KLF12: variants seen among roughly 807,000 people sequenced by gnomAD.
KLF12 encodes KLF transcription factor 12, also known as Krueppel-like factor 12.
In KLF12, 9 loss-of-function variants were observed where a neutral mutation model predicts 37.8. The observed-to-expected ratio is 0.24, with a 90% CI of 0.14 to 0.42. The LOEUF (loss-of-function observed/expected upper bound fraction) is 0.42, where lower values mean the gene tolerates loss of function less well. Among genes scored for constraint, KLF12 ranks in the 10% least tolerant of loss-of-function variants. The pLI, the probability that KLF12 is intolerant of heterozygous loss-of-function variation, is 1.00. For missense variants in KLF12, 411 were observed against 516.0 expected (o/e 0.80, Z 1.97); for synonymous variants, 208 against 202.1 (o/e 1.03, Z -0.25).
At chr13:74,080,381 G>A (rs574099251) in intron 1 of KLF12, among the ~76,000 whole-genome samples, 12 of 152,206 alleles carry the variant, frequency 7.9e-5, no homozygotes, top group Admixed American at 2.0e-4. Context: ...CTGAAAGTTC[G>A]AGGCTGCAGT....
chr13:74,278,157 A>G, the KLF12 span, among the ~76,000 whole-genome samples: 22 of 152,062 alleles, frequency 1.4e-4, no homozygotes, highest in Admixed American at 1.4e-3. Context: ...CTTTCCCAGC[A>G]TCCCCTCCCT....
the KLF12 span, among the ~76,000 whole-genome samples, chr13:74,205,742 A>T: frequency 6.6e-6 from 1 of 152,074 alleles, no homozygotes; most frequent in Non-Finnish European, 1.5e-5. Context: ...TGGAGCAGAA[A>T]CTCATTACTG....
rs1469283177 is a variant in KLF12, at chr13:74,126,125, ATATAC to A, written c.-32+7609_-32+7613del. Among the ~76,000 whole-genome samples, 5 of 152,368 alleles carry A rather than the reference ATATAC, an allele frequency of 3.3e-5. No individual in the cohort carries two copies. The South Asian group carries it at 8.3e-4, about 25-fold the overall frequency. ...TGTGCTGTATTACATGTCATATAAC[ATATAC>A]TATACATGACATATAAGTTGTACGA... is the stretch of plus-strand genomic sequence containing the variant. On this transcript the variant is annotated intron_variant, in intron 1 of 7. Transcript: ENST00000377669.
At chr13:74,123,171 A>C (rs1259370868) in intron 1 of KLF12, among the ~76,000 whole-genome samples, 1 of 152,150 alleles carries the variant, frequency 6.6e-6, no homozygotes, top group African/African-American at 2.4e-5. Flanking sequence ...AATATCATAA[A>C]TACCTATCTG....
intron 1 of KLF12, among the ~76,000 whole-genome samples, chr13:74,005,689 C>T (rs538275989): frequency 3.3e-5 from 5 of 152,288 alleles, no homozygotes; most frequent in African/African-American, 1.2e-4. Flanking sequence ...AAAAGCGCAG[C>T]CATACAGCAT....
At chr13:74,146,928 T>C in the KLF12 span, among the ~76,000 whole-genome samples, 248 of 152,342 alleles carry the variant, frequency 1.6e-3, 6 homozygotes, top group East Asian at 0.041. Flanking sequence ...AATCACTGTG[T>C]ATCCTATACC....
In KLF12 at chr13:73,699,392, A is replaced by C. The variant is rs1208585100; in HGVS notation, c.1028-3721T>G. ...CCAGGCAAGACCCCGCCTCCAAAAT[A>C]TAAAAATAAATAATTTTTAAAAATG... On this transcript the variant is annotated intron_variant, in intron 7 of 7. Coordinates refer to ENST00000377669, the MANE Select transcript of KLF12 (RefSeq NM_007249.5). 7.2e-5 allele frequency among the ~76,000 whole-genome samples: 11 copies of C among 152,068 alleles called. No individual in the cohort carries two copies. In the South Asian group the frequency reaches 2.3e-3, roughly 32 times the overall value.
At chr13:73,697,783 T>G (rs1450570232) in intron 7 of KLF12, among the ~76,000 whole-genome samples, 1 of 152,118 alleles carries the variant, frequency 6.6e-6, no homozygotes, top group Non-Finnish European at 1.5e-5. Context: ...CAATAAAATT[T>G]CATCTTCACT....
intron 1 of KLF12, among the ~76,000 whole-genome samples, chr13:74,051,110 C>G (rs1872893509): frequency 6.6e-6 from 1 of 152,106 alleles, no homozygotes; most frequent in African/African-American, 2.4e-5. Context: ...ACAGCCATTA[C>G]AGAAAAGTGT....
intron 1 of KLF12, among the ~76,000 whole-genome samples, chr13:74,078,975 C>T (rs540576113): frequency 2.6e-5 from 4 of 152,242 alleles, no homozygotes; most frequent in Middle Eastern, 3.4e-3. Flanking sequence ...CCTTCAGAGA[C>T]GTTTAAAAGC....
intron 1 of KLF12, among the ~76,000 whole-genome samples, chr13:74,008,658 A>G (rs1892475687): frequency 1.3e-5 from 2 of 152,224 alleles, no homozygotes; most frequent in South Asian, 4.1e-4. Context: ...CAGCATCCTC[A>G]TTTATGAAAT....
chr13:73,790,793 G>A (rs1018725332), intron 5 of KLF12, among the ~76,000 whole-genome samples: 21 of 152,340 alleles, frequency 1.4e-4, no homozygotes, highest in Middle Eastern at 3.4e-3. Flanking sequence ...CCATGTTGCA[G>A]ATGTAGGTAC....
At chr13:74,232,563 T>C in the KLF12 span, among the ~76,000 whole-genome samples, 1 of 152,248 alleles carries the variant, frequency 6.6e-6, no homozygotes, top group Non-Finnish European at 1.5e-5. Flanking sequence ...TAAGTACTTT[T>C]TAGAAATTTA....
At chr13:74,200,170 A>C in the KLF12 span, among the ~76,000 whole-genome samples, 1 of 142,554 alleles carries the variant, frequency 7.0e-6, no homozygotes, top group East Asian at 2.2e-4. Flanking sequence ...GGACATGGCT[A>C]ACCTTTTCTA....
At chr13:74,115,166 T>G (rs575294510) in intron 1 of KLF12, among the ~76,000 whole-genome samples, 57 of 152,338 alleles carry the variant, frequency 3.7e-4, no homozygotes, top group Admixed American at 1.8e-3. Context: ...TACAATTATT[T>G]TTTATAGAAC....
intron 1 of KLF12, among the ~76,000 whole-genome samples, chr13:74,092,668 A>G (rs1464191712): frequency 1.3e-5 from 2 of 151,312 alleles, no homozygotes; most frequent in African/African-American, 2.5e-5. Flanking sequence ...AAAAAGAAAA[A>G]GACAGCCTAT....
Position 73,931,925 on chromosome 13 carries a change from G to A in KLF12, c.123+12056C>T, listed in dbSNP as rs554516972. 4.0e-5 allele frequency among the ~76,000 whole-genome samples: 6 copies of A among 150,784 alleles called. No homozygotes were observed. The South Asian group carries it at 8.4e-4, about 21-fold the overall frequency. On this transcript the variant is annotated intron_variant, in intron 3 of 7. Coordinates refer to ENST00000377669, the MANE Select transcript of KLF12 (RefSeq NM_007249.5). ...TTCAAGCAACCCAGAAGGCTCATTCGACTACCTTGTTAGAGCTGACTTAGC... is the reference window on the plus strand; with the variant it reads ...TTCAAGCAACCCAGAAGGCTCATTCAACTACCTTGTTAGAGCTGACTTAGC...
intron 4 of KLF12, among the ~76,000 whole-genome samples, chr13:73,840,422 G>A (rs955059128): frequency 3.3e-5 from 5 of 151,740 alleles, no homozygotes; most frequent in Admixed American, 6.6e-5. Flanking sequence ...TTCCAGGCTC[G>A]CCCACCCAAC....
intron 3 of KLF12, among the ~76,000 whole-genome samples, chr13:73,905,313 A>G (rs73523227): frequency 0.041 from 6,202 of 152,066 alleles, 360 homozygotes; most frequent in African/African-American, 0.11. Context: ...CTTTCCTGCC[A>G]AGCTAAAATC....
Sources: gnomAD v4.1 joint callset for allele counts (sites outside exome capture counted in the v4.1 genomes callset) on GRCh38, gnomAD v4.1.1 for gene constraint, MANE v1.5 for transcripts, NCBI Gene and HGNC (gene_info 2026-07-23, HGNC 2026-07-21) for gene names.